The following GGA2 variants were observed in gnomAD, a reference collection of about 807,000 sequenced individuals.
GGA2 encodes the protein ADP-ribosylation factor-binding protein GGA2.
In GGA2, 48 loss-of-function variants were observed where a neutral mutation model predicts 79.5. The observed-to-expected ratio is 0.60, with a 90% CI of 0.48 to 0.77. GGA2 has a LOEUF of 0.77. GGA2 is among the 30% of genes least tolerant of loss of function. GGA2 has a pLI of 0.00. For synonymous variants in GGA2, 317 were observed against 302.0 expected (o/e 1.05, Z -0.51); for missense variants, 770 against 774.0 (o/e 0.99, Z 0.06).
intron 1 of GGA2, among the ~76,000 whole-genome samples, chr16:23,520,657 TAA>T (rs77857333): frequency 1.9e-4 from 25 of 131,820 alleles, no homozygotes; most frequent in Admixed American, 3.1e-4. Flanking sequence ...AACATCCTCT[TAA>T]AAAAAAAAAA....
chr16:23,482,134 G>C (rs2142122774), intron 9 of GGA2, among the ~76,000 whole-genome samples: 1 of 152,200 alleles, frequency 6.6e-6, no homozygotes, highest in East Asian at 1.9e-4. Flanking sequence ...CGTGATGGTG[G>C]GTGCCTATAA....
intron 13 of GGA2, among the ~76,000 whole-genome samples, chr16:23,478,054 CT>C (rs1964596780): frequency 6.6e-6 from 1 of 151,344 alleles, no homozygotes; most frequent in Admixed American, 6.6e-5. Context: ...AAAAAATTAG[CT>C]GGGCATGGTG....
intron 1 of GGA2, among the ~76,000 whole-genome samples, chr16:23,499,721 CA>C (rs1964899334): frequency 6.6e-6 from 1 of 152,224 alleles, no homozygotes. Flanking sequence ...CTCGGCCCCC[CA>C]AAGTGTTAGG....
At chr16:23,484,498 ACTGT>A (rs912732029) in intron 8 of GGA2, among the ~76,000 whole-genome samples, 26 of 152,214 alleles carry the variant, frequency 1.7e-4, no homozygotes, top group African/African-American at 6.0e-4. Flanking sequence ...AAGGGAGAAA[ACTGT>A]CTGATAAGGA....
At chr16:23,487,847 A>G (rs976155523) in intron 6 of GGA2, among the ~76,000 whole-genome samples, 1 of 152,098 alleles carries the variant, frequency 6.6e-6, no homozygotes, top group Non-Finnish European at 1.5e-5. Flanking sequence ...GGTGCAGTTG[A>G]CAGGCAGAGC....
intron 9 of GGA2, among the ~76,000 whole-genome samples, chr16:23,482,327 T>C (rs1294613635): frequency 6.6e-6 from 1 of 152,128 alleles, no homozygotes; most frequent in African/African-American, 2.4e-5. Flanking sequence ...GGAATGGGTG[T>C]GTACAAAGAG....
intron 2 of GGA2, chr16:23,495,431 G>T: frequency 3.5e-6 from 1 of 283,006 alleles, no homozygotes; most frequent in Non-Finnish European, 6.6e-6. Context: ...AGGATTATAG[G>T]GGAAAATGAG....
intron 2 of GGA2, among the ~76,000 whole-genome samples, chr16:23,494,809 C>A (rs1234199686): frequency 6.6e-6 from 1 of 152,238 alleles, no homozygotes; most frequent in East Asian, 1.9e-4. Context: ...GGGCCAGGCA[C>A]AGTGGCTCAC....
At chr16:23,475,155 C>T (rs1964561473) in intron 13 of GGA2, 94 bp from the exon 14 acceptor site, 2 of 432,896 alleles carry the variant, frequency 4.6e-6, no homozygotes, top group Non-Finnish European at 8.3e-6. Flanking sequence ...GAAAAAATAA[C>T]ACACACACAC....
rs182383827 is a variant in GGA2, at chr16:23,508,028, C to T, written c.91+2293G>A. Among the ~76,000 whole-genome samples, 9 of 151,914 alleles carry T rather than the reference C, an allele frequency of 5.9e-5. No individual in the cohort carries two copies. In the East Asian group the frequency reaches 1.7e-3, roughly 29 times the overall value. On this transcript the variant is annotated intron_variant, in intron 1 of 16. Transcript: ENST00000309859. The stretch of plus-strand genomic sequence containing the variant: ...GTTCCAGGCACTCCTTTTATCTCCT[C>T]CACCTGAGGCAGCTACTTTCTCTTA...
chr16:23,489,517 G>A (rs539015480), intron 5 of GGA2, among the ~76,000 whole-genome samples: 1 of 152,330 alleles, frequency 6.6e-6, no homozygotes, highest in East Asian at 1.9e-4. Flanking sequence ...TGGGATCACA[G>A]GCGTGAGCCA....
In GGA2 at chr16:23,493,450, C is replaced by A; in HGVS notation, c.261G>T (p.Glu87Asp). 6.2e-7 allele frequency: 1 copy of A among 1,606,956 alleles called. No individual in the cohort carries two copies. Among genetic ancestry groups the A allele is most frequent in the Non-Finnish European group, 8.5e-7 (1 of 1,173,490 alleles). Residue 87 changes from glutamate (E) to aspartate (D), a missense_variant, in exon 4 of 17, where the codon GAG becomes GAT. Coordinates refer to ENST00000309859, the MANE Select transcript of GGA2 (RefSeq NM_015044.4). ...TCTCCCCACAGTGGTTCATGCACATCTCCAGCACCTGCACAGACACAGGAC... is the reference window on the plus strand; with the variant it reads ...TCTCCCCACAGTGGTTCATGCACATATCCAGCACCTGCACAGACACAGGAC... ...KEALYALTVL[E>D]MCMNHCGEKF...
chr16:23,501,212 T>C (rs761177375), intron 1 of GGA2: 6 of 450,184 alleles, frequency 1.3e-5, no homozygotes, highest in Non-Finnish European at 2.7e-5. Context: ...TACAGCTCCA[T>C]GTGCAATCGT....
rs776777256 is a variant in GGA2 at position 23,465,848 on chromosome 16, C to T, written c.*1742G>A. The T allele has an allele frequency of 2.0e-4, 33 of 164,292 alleles. No homozygotes were observed. Among genetic ancestry groups the T allele is most frequent in the Non-Finnish European group, 1.5e-4 (11 of 74,738 alleles). The allele number at this position is 164,292 out of a possible 1,614,324, so 10.2% of individuals were successfully genotyped here. On this transcript the variant is annotated 3_prime_UTR_variant, in exon 17 of 17. Coordinates refer to ENST00000309859, the MANE Select transcript of GGA2 (RefSeq NM_015044.4). The stretch of plus-strand genomic sequence containing the variant: ...CCCAGCTACTCGAGAGGCTGAGGCA[C>T]GAGAATCGCTTGAACCTGGTAGGCA...
Position 23,467,544 on chromosome 16 carries a change from G to GT in GGA2, c.*45dup, listed in dbSNP as rs1389428456. Reference sequence around the variant, plus strand: ...GATTAGTCCTGACTAGACAGCAAAAGTAACGCCAGCCTAAGCTTGAAATGA... The same window carrying GT: ...GATTAGTCCTGACTAGACAGCAAAAGTTAACGCCAGCCTAAGCTTGAAATGA... On this transcript the variant is annotated 3_prime_UTR_variant, in exon 17 of 17. Coordinates refer to ENST00000309859, the MANE Select transcript of GGA2 (RefSeq NM_015044.4). The GT allele has an allele frequency of 1.0e-6, 1 of 963,176 alleles. No individual in the cohort carries two copies. Among genetic ancestry groups the GT allele is most frequent in the Admixed American group, 1.8e-5 (1 of 54,666 alleles). The allele number at this position is 963,176 out of a possible 1,614,324, so 59.7% of individuals were successfully genotyped here.
chr16:23,479,140 A>G (rs1279295111), intron 11 of GGA2: 2 of 580,502 alleles, frequency 3.4e-6, no homozygotes, highest in Non-Finnish European at 6.2e-6. Flanking sequence ...GTGCTCCCCA[A>G]GGGAACCAGC....
intron 13 of GGA2, 143 bp downstream of exon 13, chr16:23,478,225 C>A (rs370686221): frequency 2.7e-4 from 126 of 470,496 alleles, no homozygotes; most frequent in African/African-American, 8.0e-4. Context: ...GAAAAAAAGA[C>A]AAAAAAAAAA....
At chr16:23,479,695 C>T (rs953451775) in intron 11 of GGA2, 70 bp downstream of exon 11, 27 of 1,569,258 alleles carry the variant, frequency 1.7e-5, no homozygotes, top group Admixed American at 1.0e-4. Context: ...ATGTGCTCCG[C>T]GAAGGGAACC....
At chr16:23,509,775 C>A (rs1184806046) in intron 1 of GGA2, among the ~76,000 whole-genome samples, 1 of 148,792 alleles carries the variant, frequency 6.7e-6, no homozygotes, top group East Asian at 2.0e-4. Context: ...CACACACACA[C>A]GTGTGTGTGT....
Sources: gnomAD v4.1 joint callset for allele counts (sites outside exome capture counted in the v4.1 genomes callset) on GRCh38, gnomAD v4.1.1 for gene constraint, MANE v1.5 for transcripts, NCBI Gene and HGNC (gene_info 2026-07-23, HGNC 2026-07-21) for gene names.